CDKAL1: variants seen among roughly 807,000 people sequenced by gnomAD.
CDKAL1 encodes CDKAL1 threonylcarbamoyladenosine tRNA methylthiotransferase, also known as threonylcarbamoyladenosine tRNA methylthiotransferase.
In CDKAL1, 32 loss-of-function variants were observed where a neutral mutation model predicts 68.2. That is an observed-to-expected ratio of 0.47 (90% CI 0.35 to 0.63). CDKAL1 has a LOEUF of 0.63. Ranked by LOEUF, CDKAL1 falls within the 30% of genes least tolerant of loss-of-function variation. The pLI is 0.00. For missense variants in CDKAL1, 606 were observed against 696.7 expected (o/e 0.87, Z 1.47); for synonymous variants, 234 against 244.3 (o/e 0.96, Z 0.39).
intron 9 of CDKAL1, among the ~76,000 whole-genome samples, chr6:20,856,145 T>C (rs1291098505): frequency 2.6e-5 from 4 of 152,214 alleles, no homozygotes; most frequent in African/African-American, 7.2e-5. Flanking sequence ...TGGAGAGAAA[T>C]GCTGCTTACT....
At chr6:20,542,892 C>T (rs948214616) in intron 2 of CDKAL1, among the ~76,000 whole-genome samples, 1 of 152,204 alleles carries the variant, frequency 6.6e-6, no homozygotes, top group African/African-American at 2.4e-5. Context: ...TCATTTCAAG[C>T]ATGTTATATA....
chr6:21,153,957 G>A (rs1277863983), intron 13 of CDKAL1, among the ~76,000 whole-genome samples: 1 of 152,124 alleles, frequency 6.6e-6, no homozygotes, highest in Non-Finnish European at 1.5e-5. Flanking sequence ...CCAAAGGGGC[G>A]GGGAGACTCC....
intron 13 of CDKAL1, among the ~76,000 whole-genome samples, chr6:21,153,056 GA>G (rs1472483038): frequency 6.6e-6 from 1 of 152,052 alleles, no homozygotes; most frequent in Non-Finnish European, 1.5e-5. Context: ...CACTGGTTCA[GA>G]AGTAGGTGAT....
chr6:20,668,688 C>G (rs1028879706), intron 5 of CDKAL1, among the ~76,000 whole-genome samples: 1 of 152,184 alleles, frequency 6.6e-6, no homozygotes, highest in Non-Finnish European at 1.5e-5. Context: ...AGTGATCAAA[C>G]CAGAGAATTA....
At chr6:21,211,214 A>G (rs1395749547) in intron 15 of CDKAL1, among the ~76,000 whole-genome samples, 1 of 152,256 alleles carries the variant, frequency 6.6e-6, no homozygotes, top group Non-Finnish European at 1.5e-5. Context: ...GAAAGGAACC[A>G]ACGCAACGTG....
intron 2 of CDKAL1, among the ~76,000 whole-genome samples, chr6:20,546,029 G>A (rs967571785): frequency 5.3e-5 from 8 of 152,080 alleles, no homozygotes; most frequent in Admixed American, 2.0e-4. Flanking sequence ...AGGCTTTTAC[G>A]CTTCCTGTTA....
At chr6:20,644,497 G>C (rs998315855) in intron 4 of CDKAL1, among the ~76,000 whole-genome samples, 1 of 152,062 alleles carries the variant, frequency 6.6e-6, no homozygotes, top group African/African-American at 2.4e-5. Context: ...CTAACATGGT[G>C]AAACCCTGTC....
chr6:20,764,367 G>A (rs1283804606), intron 7 of CDKAL1, among the ~76,000 whole-genome samples: 2 of 152,100 alleles, frequency 1.3e-5, no homozygotes, highest in African/African-American at 2.4e-5. Flanking sequence ...GCCTCAAGTG[G>A]CGGTAATTTA....
At chr6:20,900,691 C>T (rs1190034492) in intron 9 of CDKAL1, among the ~76,000 whole-genome samples, 2 of 152,188 alleles carry the variant, frequency 1.3e-5, no homozygotes, top group African/African-American at 2.4e-5. Flanking sequence ...TCTTTTCATG[C>T]AATCACCTTG....
intron 10 of CDKAL1, among the ~76,000 whole-genome samples, chr6:20,979,660 G>A (rs187526623): frequency 7.9e-5 from 12 of 152,142 alleles, no homozygotes; most frequent in African/African-American, 2.6e-4. Context: ...GAGTGCGGCC[G>A]ACGAAGTCCA....
intron 9 of CDKAL1, among the ~76,000 whole-genome samples, chr6:20,907,495 CTA>C (rs1484424416): frequency 2.0e-5 from 3 of 151,996 alleles, no homozygotes; most frequent in African/African-American, 4.8e-5. Context: ...AAAAAAATGA[CTA>C]TGAAGAAAAA....
chr6:20,747,007 AC>A (rs942614049), intron 6 of CDKAL1, among the ~76,000 whole-genome samples: 8 of 151,072 alleles, frequency 5.3e-5, no homozygotes, highest in African/African-American at 1.9e-4. Flanking sequence ...CCCCCTCCCC[AC>A]CCCGGTAATC....
At chr6:21,158,821 A>G (rs1776766230) in intron 13 of CDKAL1, among the ~76,000 whole-genome samples, 1 of 152,250 alleles carries the variant, frequency 6.6e-6, no homozygotes, top group African/African-American at 2.4e-5. Flanking sequence ...TAGAATAAAC[A>G]TTCACATGAA....
chr6:21,000,335 G>T lies in CDKAL1; in HGVS notation c.1018G>T (p.Ala340Ser), dbSNP rs1210353590. ...GGAAATGAAAAGAGAATACTGTGTG[G>T]CTGACTTCAAAAGAGTAGTGGATTT... ...LMEMKREYCV[A>S]DFKRVVDFLK... Residue 340 changes from alanine to serine, a missense_variant, in exon 11 of 16, where the codon GCT (alanine) becomes TCT (serine). Ala to Ser is a moderately conservative substitution (Grantham distance 99). Coordinates refer to ENST00000274695, the MANE Select transcript of CDKAL1 (RefSeq NM_017774.3). The T allele has an allele frequency of 1.2e-6, 2 of 1,613,728 alleles. No homozygotes were observed. Among genetic ancestry groups the T allele is most frequent in the Admixed American group, 1.7e-5 (1 of 60,016 alleles).
intron 13 of CDKAL1, among the ~76,000 whole-genome samples, chr6:21,193,275 G>A (rs1778334511): frequency 6.6e-6 from 1 of 152,122 alleles, no homozygotes; most frequent in Non-Finnish European, 1.5e-5. Flanking sequence ...AATTTGCAGA[G>A]GGCTGTAAGC....
intron 12 of CDKAL1, 22 bp downstream of exon 12, chr6:21,065,250 G>A: frequency 6.3e-7 from 1 of 1,584,952 alleles, no homozygotes; most frequent in South Asian, 1.2e-5. Flanking sequence ...TTCTTGTAAG[G>A]TATTGTTTTT....
At chr6:20,891,661 A>G (rs1761409710) in intron 9 of CDKAL1, among the ~76,000 whole-genome samples, 1 of 150,718 alleles carries the variant, frequency 6.6e-6, no homozygotes, top group Admixed American at 6.6e-5. Flanking sequence ...CAGCCTCCCG[A>G]GTATCTGGGA....
At chr6:20,549,369 A>T (rs1393707988) in intron 4 of CDKAL1, among the ~76,000 whole-genome samples, 1 of 152,096 alleles carries the variant, frequency 6.6e-6, no homozygotes, top group Non-Finnish European at 1.5e-5. Context: ...TCATGATGTC[A>T]GTGTGTCTTA....
intron 12 of CDKAL1, among the ~76,000 whole-genome samples, chr6:21,066,862 G>A (rs1483838899): frequency 6.6e-6 from 1 of 152,092 alleles, no homozygotes; most frequent in Non-Finnish European, 1.5e-5. Flanking sequence ...CTGGACTCAA[G>A]CGATCCTCCC....
Sources: allele counts gnomAD v4.1 joint callset (sites outside exome capture counted in the v4.1 genomes callset), GRCh38; gene constraint gnomAD v4.1.1; transcripts MANE v1.5; gene names NCBI Gene and HGNC (gene_info 2026-07-23, HGNC 2026-07-21).